Variants in PARD3B observed in about 807,000 individuals in gnomAD.
The protein encoded by PARD3B is partitioning defective 3 homolog B.
PARD3B carries 103 observed loss-of-function variants against 130.2 expected under a neutral mutation model. The ratio of observed to expected loss-of-function variants is 0.79; its 90% CI spans 0.67 to 0.93. The LOEUF (loss-of-function observed/expected upper bound fraction) is 0.93. Ranked by LOEUF, PARD3B falls within the 40% of genes least tolerant of loss-of-function variation. PARD3B has a pLI of 0.00. For missense variants in PARD3B, 1,609 were observed against 1,499.2 expected (o/e 1.07, Z -1.21); for synonymous variants, 583 against 553.2 (o/e 1.05, Z -0.76).
chr2:205,508,397 A>G (rs1406060042), intron 21 of PARD3B, among the ~76,000 whole-genome samples: 7 of 152,068 alleles, frequency 4.6e-5, no homozygotes, highest in Non-Finnish European at 1.0e-4. Context: ...ACATAGTCAA[A>G]CCTTTCTCTA....
chr2:205,548,213 C>T (rs574786633), intron 21 of PARD3B, among the ~76,000 whole-genome samples: 1 of 152,176 alleles, frequency 6.6e-6, no homozygotes, highest in South Asian at 2.1e-4. Context: ...TCCCTACAGA[C>T]TCTTCCTGGG....
chr2:205,503,175 C>T (rs2050221451), intron 21 of PARD3B, among the ~76,000 whole-genome samples: 1 of 152,118 alleles, frequency 6.6e-6, no homozygotes, highest in Admixed American at 6.6e-5. Context: ...ATTACTTCCA[C>T]CTTGGAGGAA....
intron 18 of PARD3B, among the ~76,000 whole-genome samples, chr2:205,355,906 C>T (rs1338667977): frequency 6.6e-6 from 1 of 152,200 alleles, no homozygotes. Flanking sequence ...CCCATGAGAA[C>T]TCACTCACTG....
chr2:205,063,164 C>T (rs1700158451), intron 4 of PARD3B, among the ~76,000 whole-genome samples: 1 of 151,940 alleles, frequency 6.6e-6, no homozygotes, highest in Non-Finnish European at 1.5e-5. Context: ...GGAATTTTAT[C>T]ACTGCAAACA....
chr2:205,511,502 A>G (rs1038531208), intron 21 of PARD3B, among the ~76,000 whole-genome samples: 2 of 152,184 alleles, frequency 1.3e-5, no homozygotes, highest in Non-Finnish European at 2.9e-5. Context: ...TAAAACCCCA[A>G]ATTCCAACTT....
At chr2:204,991,276 T>A (rs1215463117) in intron 3 of PARD3B, among the ~76,000 whole-genome samples, 2 of 140,974 alleles carry the variant, frequency 1.4e-5, no homozygotes, top group Non-Finnish European at 3.1e-5. Context: ...CCTTCCTGTG[T>A]CCATGTGATC....
chr2:205,053,260 T>A, intron 4 of PARD3B, among the ~76,000 whole-genome samples: 1 of 151,992 alleles, frequency 6.6e-6, no homozygotes, highest in East Asian at 1.9e-4. Flanking sequence ...ACAGAGAAAT[T>A]CAAATAGCTT....
At chr2:205,456,300 TACAA>T (rs1383297281) in intron 20 of PARD3B, among the ~76,000 whole-genome samples, 2 of 152,102 alleles carry the variant, frequency 1.3e-5, no homozygotes, top group East Asian at 3.9e-4. Context: ...TTATGGCTAT[TACAA>T]ACAGAGTTGC....
chr2:204,804,029 C>CATGG (rs1559158064), intron 2 of PARD3B, among the ~76,000 whole-genome samples: 1 of 152,046 alleles, frequency 6.6e-6, no homozygotes, highest in Non-Finnish European at 1.5e-5. Context: ...GTCTGGGCAA[C>CATGG]ATGGCAAAAC....
At chr2:205,134,892 G>A (rs190053925) in intron 10 of PARD3B, among the ~76,000 whole-genome samples, 18 of 151,418 alleles carry the variant, frequency 1.2e-4, no homozygotes, top group Admixed American at 1.2e-3. Flanking sequence ...TCACAAGATG[G>A]GTTTTGTTGG....
chr2:205,466,610 C>T (rs1468683842), intron 20 of PARD3B, among the ~76,000 whole-genome samples: 2 of 152,198 alleles, frequency 1.3e-5, no homozygotes, highest in Admixed American at 1.3e-4. Flanking sequence ...ACCCCATTCA[C>T]TTAAGAGTTT....
At chr2:205,493,128 T>C (rs2049784888) in intron 20 of PARD3B, among the ~76,000 whole-genome samples, 1 of 152,174 alleles carries the variant, frequency 6.6e-6, no homozygotes, top group Non-Finnish European at 1.5e-5. Context: ...ATATAGCCTG[T>C]TTAATTATAT....
At chr2:205,606,008 A>T (rs1235063996) in intron 22 of PARD3B, among the ~76,000 whole-genome samples, 1 of 152,166 alleles carries the variant, frequency 6.6e-6, no homozygotes, top group Non-Finnish European at 1.5e-5. Flanking sequence ...GGTCCAGCCT[A>T]AAGAGGCAGT....
rs183191047 is a variant in PARD3B at position 205,589,753 on chromosome 2, G to A, written c.3261-25703G>A. Among the ~76,000 whole-genome samples, 272 of 152,254 alleles carry A rather than the reference G, an allele frequency of 1.8e-3. No individual in the cohort carries two copies. The highest frequency in any genetic ancestry group is 2.6e-3 in the Non-Finnish European group (174 of 68,014). On this transcript the variant is annotated intron_variant, in intron 22 of 22. Transcript: ENST00000406610. This position sits in a 1 kb window ranked among gnomAD's most constrained non-coding sequence, Gnocchi z 4.1. ...GTAGACTAACATAATTGCATATGTAGTTACTAAAGTTAGTTATAGGCACAG... is the reference window on the plus strand; with the variant it reads ...GTAGACTAACATAATTGCATATGTAATTACTAAAGTTAGTTATAGGCACAG...
intron 2 of PARD3B, among the ~76,000 whole-genome samples, chr2:204,920,944 T>C (rs1418909531): frequency 6.6e-6 from 1 of 152,220 alleles, no homozygotes. Flanking sequence ...ATAATATTCC[T>C]ATATGTCCAC....
intron 3 of PARD3B, among the ~76,000 whole-genome samples, chr2:205,019,198 C>T (rs1696404042): frequency 6.6e-6 from 1 of 152,130 alleles, no homozygotes; most frequent in Admixed American, 6.6e-5. Context: ...ATAGATTTGC[C>T]TAATATGAAC....
rs1475452575 is a variant in PARD3B at position 205,160,423 on chromosome 2, G to A, written c.1620+1516G>A. 6.6e-6 allele frequency among the ~76,000 whole-genome samples: 1 copy of A among 152,146 alleles called. No homozygotes were observed. Among genetic ancestry groups the A allele is most frequent in the Non-Finnish European group, 1.5e-5 (1 of 68,028 alleles). On this transcript the variant is annotated intron_variant, in intron 11 of 22. Coordinates refer to ENST00000406610, the MANE Select transcript of PARD3B (RefSeq NM_001302769.2). This position sits in a 1 kb window ranked among gnomAD's most constrained non-coding sequence, Gnocchi z 4.0. ...TGCCTCGAGCTGTCAGAGGGCCAGC[G>A]GCAGTGGGTGAATCCGCGGGCTCCA...
At chr2:205,328,106 T>C (rs1346015315) in intron 18 of PARD3B, among the ~76,000 whole-genome samples, 8 of 152,142 alleles carry the variant, frequency 5.3e-5, no homozygotes, top group Non-Finnish European at 1.2e-4. Flanking sequence ...ACCACCAAAT[T>C]AGACATTTTA....
At chr2:204,955,540 A>G (rs1048576334) in intron 2 of PARD3B, among the ~76,000 whole-genome samples, 5 of 152,258 alleles carry the variant, frequency 3.3e-5, no homozygotes, top group African/African-American at 9.6e-5. Flanking sequence ...GCTTGGATAT[A>G]GCAGAAAATG....
Sources: gnomAD v4.1 joint callset for allele counts (sites outside exome capture counted in the v4.1 genomes callset) on GRCh38, gnomAD v4.1.1 for gene constraint, Gnocchi (gnomAD v3.1) non-coding constraint, MANE v1.5 for transcripts, NCBI Gene and HGNC (gene_info 2026-07-23, HGNC 2026-07-21) for gene names.